ALPK2: variants seen among roughly 807,000 people sequenced by gnomAD.
ALPK2 encodes alpha kinase 2, also known as alpha-protein kinase 2.
ALPK2 carries 127 observed loss-of-function variants against 163.1 expected under a neutral mutation model. That is an observed-to-expected ratio of 0.78 (90% CI 0.67 to 0.90). ALPK2 has a LOEUF of 0.90. ALPK2 is among the 40% of genes least tolerant of loss of function. The pLI, the probability that ALPK2 is intolerant of heterozygous loss-of-function variation, is 0.00. For missense variants in ALPK2, 2,360 were observed against 2,589.6 expected (o/e 0.91, Z 1.92); for synonymous variants, 953 against 959.1 (o/e 0.99, Z 0.12).
chr18:58,512,639 C>A (rs900939668), intron 10 of ALPK2, among the ~76,000 whole-genome samples: 1 of 148,314 alleles, frequency 6.7e-6, no homozygotes, highest in African/African-American at 2.5e-5. Flanking sequence ...GATGTGTATA[C>A]GTATGTGTGG....
intron 3 of ALPK2, among the ~76,000 whole-genome samples, chr18:58,606,147 T>C (rs147485787): frequency 3.2e-4 from 48 of 152,336 alleles, no homozygotes; most frequent in African/African-American, 1.1e-3. Flanking sequence ...GGTGCAATCA[T>C]AGCTCACTAC....
chr18:58,531,057 G>A (rs1469374807), intron 5 of ALPK2, among the ~76,000 whole-genome samples: 1 of 152,034 alleles, frequency 6.6e-6, no homozygotes, highest in African/African-American at 2.4e-5. Context: ...TTAGCCAGGT[G>A]CAGTGCGCAT....
Position 58,535,753 on chromosome 18 carries a change from C to T in ALPK2, c.4434G>A (p.Glu1478=), listed in dbSNP as rs752993195. The change falls in exon 5 of 13, where the codon GAG becomes GAA. Residue 1478 remains glutamate (E), a synonymous_variant. Coordinates refer to ENST00000361673, the MANE Select transcript of ALPK2 (RefSeq NM_052947.4). ...CCTCCTCAGGTTGAATTTGTTCAGC[C>T]TCCTGCTTCATACTGCCTTCTTGGC... ...SRSQEGSMKQ[E]AEQIQPEEAK... 1.2e-6 allele frequency: 2 copies of T among 1,614,186 alleles called. No homozygotes were observed. The highest frequency in any genetic ancestry group is 2.2e-5 in the East Asian group (1 of 44,878).
intron 6 of ALPK2, among the ~76,000 whole-genome samples, chr18:58,525,724 C>G (rs1041826843): frequency 1.3e-5 from 2 of 152,120 alleles, no homozygotes; most frequent in African/African-American, 4.8e-5. Context: ...AAGATCACCG[C>G]TCAGATGTGT....
intron 3 of ALPK2, chr18:58,600,536 A>G (rs1348536344): frequency 6.6e-6 from 1 of 152,224 alleles, no homozygotes. Flanking sequence ...TATCTTGAGG[A>G]AGGTAACACT....
At chr18:58,490,926 T>C (rs182372674) in intron 12 of ALPK2, among the ~76,000 whole-genome samples, 1 of 152,256 alleles carries the variant, frequency 6.6e-6, no homozygotes, top group Non-Finnish European at 1.5e-5. Flanking sequence ...CCCATGAATA[T>C]GCAGGAAGCA....
intron 4 of ALPK2, among the ~76,000 whole-genome samples, chr18:58,558,743 C>T (rs1294851611): frequency 6.6e-6 from 1 of 152,146 alleles, no homozygotes; most frequent in African/African-American, 2.4e-5. Flanking sequence ...TATTATCTGG[C>T]CATAAAAAGG....
Position 58,536,676 on chromosome 18 carries a change from G to T in ALPK2, c.3511C>A (p.Pro1171Thr), listed in dbSNP as rs144800085. ...GAGCTTGCGGGTGAGTGGGCCGTGG[G>T]CACCAAGTTTCTTTCCTCTTGTGCA... ...SAAQEERNLV[P>T]TAHSPASSRE... Residue 1171 changes from proline to threonine, a missense_variant, in exon 5 of 13, where the codon CCC (proline) becomes ACC (threonine). Physicochemically the swap from Pro to Thr is conservative, Grantham distance 38 (BLOSUM62 -1). Coordinates refer to ENST00000361673, the MANE Select transcript of ALPK2 (RefSeq NM_052947.4). 1.9e-5 allele frequency: 30 copies of T among 1,614,196 alleles called. No homozygotes were observed. In the African/African-American group the frequency reaches 3.7e-4, roughly 20 times the overall value.
intron 12 of ALPK2, among the ~76,000 whole-genome samples, chr18:58,485,894 C>T (rs959783986): frequency 1.3e-5 from 2 of 152,212 alleles, no homozygotes; most frequent in South Asian, 4.1e-4. Flanking sequence ...AAACAAGTCC[C>T]GGTCATTTGC....
chr18:58,489,637 T>C (rs1022689167), intron 12 of ALPK2, among the ~76,000 whole-genome samples: 2 of 151,528 alleles, frequency 1.3e-5, no homozygotes, highest in Non-Finnish European at 2.9e-5. Context: ...CAGTGAGCCA[T>C]GATCAGGACT....
intron 12 of ALPK2, among the ~76,000 whole-genome samples, chr18:58,492,146 G>GACACACTC (rs2051378282): frequency 6.6e-6 from 1 of 151,312 alleles, no homozygotes; most frequent in Non-Finnish European, 1.5e-5. Context: ...GGTCTCTTTA[G>GACACACTC]ACACACACAC....
intron 1 of ALPK2, among the ~76,000 whole-genome samples, chr18:58,625,893 A>G (rs2052227347): frequency 2.0e-5 from 3 of 152,252 alleles, no homozygotes; most frequent in African/African-American, 7.2e-5. Flanking sequence ...TATTTGGCCC[A>G]TGCCAGGTGG....
At chr18:58,581,874 G>A (rs900954210) in intron 3 of ALPK2, among the ~76,000 whole-genome samples, 1 of 152,146 alleles carries the variant, frequency 6.6e-6, no homozygotes, top group African/African-American at 2.4e-5. Flanking sequence ...TCTAACCCAG[G>A]AAGGGTCAGT....
intron 3 of ALPK2, among the ~76,000 whole-genome samples, chr18:58,591,188 C>G (rs1028385819): frequency 3.9e-5 from 6 of 152,192 alleles, no homozygotes; most frequent in Non-Finnish European, 5.9e-5. Context: ...GCTCAATCAT[C>G]TGTGCAACCC....
At chr18:58,520,098 G>A (rs900721600) in intron 8 of ALPK2, among the ~76,000 whole-genome samples, 4 of 152,024 alleles carry the variant, frequency 2.6e-5, no homozygotes, top group African/African-American at 9.7e-5. Flanking sequence ...ACTCCACGCT[G>A]CCCAAAGTCC....
chr18:58,518,864 A>G (rs562563004), intron 8 of ALPK2, among the ~76,000 whole-genome samples: 1 of 152,308 alleles, frequency 6.6e-6, no homozygotes, highest in East Asian at 1.9e-4. Flanking sequence ...TTTGTTGTAG[A>G]TGCTGTATAA....
intron 12 of ALPK2, among the ~76,000 whole-genome samples, chr18:58,484,456 G>A (rs1440069619): frequency 6.6e-6 from 1 of 152,184 alleles, no homozygotes; most frequent in South Asian, 2.1e-4. Context: ...TAATTGGTGG[G>A]CTAAGTTTCT....
At position 58,535,824 on chromosome 18, in the gene ALPK2, G is replaced by A. The variant is rs142774272; in HGVS notation, c.4363C>T (p.Pro1455Ser). ...CTCAGAATGGTTCCCTGGAGACATG[G>A]AACTTGCAAAATGGCCGGCTGGATT... Reference protein sequence around the residue: ...AEIQPAILQVPCLQGTILSEN... With the variant: ...AEIQPAILQVSCLQGTILSEN... Residue 1455 changes from proline to serine, a missense_variant, in exon 5 of 13, where the codon CCA (proline) becomes TCA (serine). By Grantham distance (74) the Pro-to-Ser change is moderately conservative. Transcript: ENST00000361673. 67 of 1,614,092 alleles carry A rather than the reference G, an allele frequency of 4.2e-5. No homozygotes were observed. The highest frequency in any genetic ancestry group is 5.3e-5 in the Non-Finnish European group (63 of 1,180,034).
chr18:58,545,597 A>G lies in ALPK2; in HGVS notation c.1963-7373T>C, dbSNP rs73959691. On this transcript the variant is annotated intron_variant, in intron 4 of 12. Coordinates refer to ENST00000361673, the MANE Select transcript of ALPK2 (RefSeq NM_052947.4). ...AGGCCACAGTTCTAAAGCCAATCAG[A>G]AGCCCCGGGGCCAGGAGGGCCAAGC... Among the ~76,000 whole-genome samples, 904 of 152,352 alleles carry G rather than the reference A, an allele frequency of 5.9e-3. 4 individuals are homozygous for G. Among genetic ancestry groups the G allele is most frequent in the African/African-American group, 0.02 (836 of 41,588 alleles).
Sources: allele counts gnomAD v4.1 joint callset (sites outside exome capture counted in the v4.1 genomes callset), GRCh38; gene constraint gnomAD v4.1.1; transcripts MANE v1.5; gene names NCBI Gene and HGNC (gene_info 2026-07-23, HGNC 2026-07-21).